ITPRID1: variants seen among roughly 807,000 people sequenced by gnomAD.
ITPRID1 encodes the protein protein ITPRID1.
A neutral mutation model predicts 95.4 loss-of-function variants in ITPRID1; 96 were observed. That is an observed-to-expected ratio of 1.01 (90% confidence interval 0.85 to 1.19). ITPRID1 has a LOEUF of 1.19. Among genes scored for constraint, ITPRID1 ranks in the 50% most tolerant of loss-of-function variants. The pLI, the probability that ITPRID1 is intolerant of heterozygous loss-of-function variation, is 0.00. For synonymous variants in ITPRID1, 510 were observed against 453.6 expected (o/e 1.12, Z -1.58); for missense variants, 1,339 against 1,252.9 (o/e 1.07, Z -1.04).
intron 10 of ITPRID1, among the ~76,000 whole-genome samples, chr7:31,630,405 A>C (rs1239331423): frequency 6.6e-6 from 1 of 152,164 alleles, no homozygotes; most frequent in Non-Finnish European, 1.5e-5. Context: ...GGCCTACTTA[A>C]ATGTGAAGTT....
At position 31,643,151 on chromosome 7, in the gene ITPRID1, A is replaced by G. The variant is rs368084998; in HGVS notation, c.1781A>G (p.Asn594Ser). 3.7e-5 allele frequency: 59 copies of G among 1,613,888 alleles called. No homozygotes were observed. The Admixed American group carries it at 7.0e-4, about 19-fold the overall frequency. ...EGAGKVQSHH[N>S]ESQRSPGNDH... ...GCTGGCAAAGTGCAAAGCCACCACA[A>G]TGAGTCTCAAAGGTCACCTGGAAAT... The change falls in exon 12 of 15, where the codon AAT becomes AGT. Residue 594 changes from asparagine to serine, a missense_variant. By Grantham distance (46) the Asn-to-Ser change is conservative. Transcript: ENST00000615280.
At chr7:31,520,556 TGTGTGTGTGAGAGAGAGA>T (rs1269530207) in intron 1 of ITPRID1, among the ~76,000 whole-genome samples, 107 of 105,604 alleles carry the variant, frequency 1.0e-3, no homozygotes, top group South Asian at 4.4e-3. Context: ...TGTGTGTGTG[TGTGTGTGTGAGAGAGAGA>T]GAGAGAGTTT....
At chr7:31,529,488 C>G in intron 1 of ITPRID1, 1 of 422,946 alleles carries the variant, frequency 2.4e-6, no homozygotes, top group Non-Finnish European at 4.2e-6. Context: ...TCCTTTCAAT[C>G]CAGAAGTTGT....
At chr7:31,528,078 T>G (rs545264405) in intron 1 of ITPRID1, among the ~76,000 whole-genome samples, 1 of 152,314 alleles carries the variant, frequency 6.6e-6, no homozygotes, top group East Asian at 1.9e-4. Context: ...ACTATGCCTC[T>G]GAAAAGGAAA....
chr7:31,642,690 C>T lies in ITPRID1; in HGVS notation c.1320C>T (p.Ser440=), dbSNP rs1358094995. ...PLEPLPLQMP[S]LPNSQSPAEN... Reference sequence around the variant, plus strand: ...CCTGGTTTCCCCTACAGATGCCTTCCTTGCCAAACAGCCAGAGTCCTGCTG... The same window carrying T: ...CCTGGTTTCCCCTACAGATGCCTTCTTTGCCAAACAGCCAGAGTCCTGCTG... Residue 440 remains serine, a synonymous_variant, in exon 12 of 15, where the codon TCC becomes TCT. Coordinates refer to ENST00000615280, the MANE Select transcript of ITPRID1 (RefSeq NM_001257967.3). 1 of 1,613,230 alleles carries T rather than the reference C, an allele frequency of 6.2e-7. No individual in the cohort carries two copies. Among genetic ancestry groups the T allele is most frequent in the African/African-American group, 1.3e-5 (1 of 75,032 alleles).
intron 6 of ITPRID1, among the ~76,000 whole-genome samples, chr7:31,571,124 G>A (rs1251853012): frequency 6.6e-6 from 1 of 152,016 alleles, no homozygotes; most frequent in Non-Finnish European, 1.5e-5. Context: ...CACCTCCTGG[G>A]TTCAAGCAAT....
chr7:31,615,931 A>AT (rs1787173028), intron 10 of ITPRID1, among the ~76,000 whole-genome samples: 1 of 151,418 alleles, frequency 6.6e-6, no homozygotes, highest in African/African-American at 2.4e-5. Context: ...TTTTTTTTGT[A>AT]TTTTTGGTAG....
chr7:31,551,625 G>A lies in ITPRID1; in HGVS notation c.-23-1377G>A, dbSNP rs979674763. ...GTAATTTAAAATTGCAACAATAAAT[G>A]TATATATTTATACCTGACAGAATTT... On this transcript the variant is annotated intron_variant, in intron 2 of 14. Transcript: ENST00000615280. Among the ~76,000 whole-genome samples, 2 of 143,582 alleles carry A rather than the reference G, an allele frequency of 1.4e-5. 1 individual carries two copies. Among genetic ancestry groups the A allele is most frequent in the Admixed American group, 1.4e-4 (2 of 14,290 alleles). 94.2% of individuals were successfully genotyped at this position (143,582 alleles called of 152,430 possible). A position where few individuals can be genotyped will look rare whatever the true frequency, so the allele number is the denominator to read the frequency against.
chr7:31,522,782 C>G (rs1465852290), intron 1 of ITPRID1, among the ~76,000 whole-genome samples: 1 of 152,186 alleles, frequency 6.6e-6, no homozygotes, highest in Non-Finnish European at 1.5e-5. Flanking sequence ...CAAGCCAAAA[C>G]TCCCGTATTC....
rs563458258 is a variant in ITPRID1, at chr7:31,569,570, A to G, written c.257-188A>G. On this transcript the variant is annotated intron_variant, in intron 5 of 14. Coordinates refer to ENST00000615280, the MANE Select transcript of ITPRID1 (RefSeq NM_001257967.3). ...CTCCATTGAGCCAGTACATTTCTTC[A>G]CGTGTTTGTCATACCATGTAGCCAT... 3.9e-5 allele frequency among the ~76,000 whole-genome samples: 6 copies of G among 152,212 alleles called. No individual in the cohort carries two copies. In the East Asian group the frequency reaches 9.7e-4, roughly 25 times the overall value.
chr7:31,642,609 G>A (rs1790125365), intron 11 of ITPRID1, 73 bp from the exon 12 acceptor site: 2 of 1,379,538 alleles, frequency 1.4e-6, no homozygotes, highest in South Asian at 1.4e-5. Flanking sequence ...ATGACAAGAA[G>A]AAAATCTCAC....
chr7:31,632,757 G>C (rs768540297), intron 10 of ITPRID1, among the ~76,000 whole-genome samples: 5 of 152,142 alleles, frequency 3.3e-5, no homozygotes, highest in Non-Finnish European at 7.3e-5. Context: ...CTGGGTGACA[G>C]GTTTTACAGC....
chr7:31,529,760 C>G (rs1022800338), intron 1 of ITPRID1: 9 of 1,534,920 alleles, frequency 5.9e-6, no homozygotes, highest in Non-Finnish European at 7.9e-6. Context: ...GATCTCCACA[C>G]ATACTTTGAT....
intron 10 of ITPRID1, among the ~76,000 whole-genome samples, chr7:31,608,614 A>G (rs1341407297): frequency 1.3e-5 from 2 of 151,558 alleles, no homozygotes; most frequent in African/African-American, 4.8e-5. Context: ...ATTCTTTTTA[A>G]TGTTATTGTG....
intron 10 of ITPRID1, among the ~76,000 whole-genome samples, chr7:31,604,256 T>A (rs1050301689): frequency 5.9e-5 from 9 of 152,202 alleles, no homozygotes; most frequent in Non-Finnish European, 1.3e-4. Flanking sequence ...TGGGAGCAAG[T>A]GGATTTTACT....
intron 10 of ITPRID1, among the ~76,000 whole-genome samples, chr7:31,623,779 G>C (rs1251420580): frequency 1.3e-5 from 2 of 151,498 alleles, no homozygotes; most frequent in African/African-American, 4.9e-5. Flanking sequence ...AGGGCAATTA[G>C]GCAGGAGAAG....
chr7:31,584,395 A>T (rs575851214), intron 10 of ITPRID1, among the ~76,000 whole-genome samples: 3 of 152,226 alleles, frequency 2.0e-5, no homozygotes, highest in African/African-American at 4.8e-5. Context: ...ATTGAGGCTT[A>T]TAAGACAAAA....
At chr7:31,625,521 A>G (rs1008750782) in intron 10 of ITPRID1, among the ~76,000 whole-genome samples, 1 of 152,200 alleles carries the variant, frequency 6.6e-6, no homozygotes, top group African/African-American at 2.4e-5. Flanking sequence ...CTATTGCAAG[A>G]ACAAAAAACC....
At chr7:31,592,717 T>A (rs868488331) in intron 10 of ITPRID1, among the ~76,000 whole-genome samples, 1 of 152,162 alleles carries the variant, frequency 6.6e-6, no homozygotes, top group African/African-American at 2.4e-5. Flanking sequence ...TAATCCCCAT[T>A]TGCCCATTCA....
Sources: gnomAD v4.1 joint callset for allele counts (sites outside exome capture counted in the v4.1 genomes callset) on GRCh38, gnomAD v4.1.1 for gene constraint, MANE v1.5 for transcripts, NCBI Gene and HGNC (gene_info 2026-07-23, HGNC 2026-07-21) for gene names.